The following CELF2 variants were observed in gnomAD, a reference collection of about 807,000 sequenced individuals.
The protein encoded by CELF2 is CUGBP Elav-like family member 2.
Under a neutral mutation model 62.6 loss-of-function variants are expected in CELF2, and 8 were observed. The ratio of observed to expected loss-of-function variants is 0.13; its 90% CI spans 0.07 to 0.23. The LOEUF (loss-of-function observed/expected upper bound fraction) is 0.23. CELF2 is among the 10% of genes least tolerant of loss of function. The probability of loss-of-function intolerance (pLI) is 1.00; values close to 1 mark genes in which losing one functional copy is unlikely to be tolerated. For synonymous variants in CELF2, 258 were observed against 250.0 expected, an observed-to-expected ratio of 1.03 and a Z score of -0.30; for missense variants, 333 against 671.0, an observed-to-expected ratio of 0.50 and a Z score of 5.56.
intron 1 of CELF2, among the ~76,000 whole-genome samples, chr10:11,118,160 T>G (rs1401104036): frequency 6.6e-6 from 1 of 152,074 alleles, no homozygotes; most frequent in Non-Finnish European, 1.5e-5. Flanking sequence ...GAAGGTAATA[T>G]ATTTTAGTAG....
chr10:11,138,559 T>A (rs1468882964), intron 1 of CELF2, among the ~76,000 whole-genome samples: 1 of 152,212 alleles, frequency 6.6e-6, no homozygotes, highest in Non-Finnish European at 1.5e-5. Context: ...TGCTGGGTGC[T>A]ATGGTGCAAA....
At chr10:10,890,882 G>A (rs1218845072) in intron 1 of CELF2, among the ~76,000 whole-genome samples, 1 of 152,194 alleles carries the variant, frequency 6.6e-6, no homozygotes, top group African/African-American at 2.4e-5. Flanking sequence ...GGGCGTGGTG[G>A]CAGGTGCCTA....
In CELF2 at chr10:11,039,967, ATTATCT is replaced by A. The variant is rs1481572244; in HGVS notation, c.74+21809_74+21814del. On this transcript the variant is annotated intron_variant, in intron 1 of 12. Coordinates refer to ENST00000633077, the MANE Select transcript of CELF2 (RefSeq NM_001326342.2). This position sits in a 1 kb window ranked among gnomAD's most constrained non-coding sequence, Gnocchi z 4.1. ...CAAGGACTGAGAGCAAAATGTATTG[ATTATCT>A]TTATGTGGACCATGACAAATTGATT... Among the ~76,000 whole-genome samples the A allele has an allele frequency of 2.0e-5, 3 of 152,186 alleles. No homozygotes were observed. Among genetic ancestry groups the A allele is most frequent in the African/African-American group, 4.8e-5 (2 of 41,436 alleles).
Position 11,325,816 on chromosome 10 carries a change from A to AC in CELF2, c.1295-19dup. The AC allele has an allele frequency of 6.4e-7, 1 of 1,569,056 alleles. No homozygotes were observed. Among genetic ancestry groups the AC allele is most frequent in the Non-Finnish European group, 8.6e-7 (1 of 1,162,798 alleles). ...AAGACTCAAGGGATACCTTACTCTG[A>AC]CTTTTTTTTTCCTCCTTAGGTCCAG... On this transcript the variant is annotated intron_variant, in intron 11 of 12. Coordinates refer to ENST00000633077, the MANE Select transcript of CELF2 (RefSeq NM_001326342.2).
the CELF2 span, among the ~76,000 whole-genome samples, chr10:10,775,668 C>T: frequency 2.0e-5 from 3 of 151,674 alleles, no homozygotes; most frequent in Non-Finnish European, 4.4e-5. Context: ...GACCAGGAGG[C>T]AGAGCATCAG....
At chr10:11,274,735 C>A (rs77218674) in intron 7 of CELF2, among the ~76,000 whole-genome samples, 14 of 152,282 alleles carry the variant, frequency 9.2e-5, no homozygotes, top group East Asian at 5.8e-4. Flanking sequence ...AGATGAGTTA[C>A]GGTAACTGCT....
At chr10:11,289,193 T>A (rs2092063900) in intron 9 of CELF2, among the ~76,000 whole-genome samples, 1 of 152,198 alleles carries the variant, frequency 6.6e-6, no homozygotes. Flanking sequence ...TTTTTTTTAA[T>A]TTAAAAAAGT....
chr10:11,030,557 C>T (rs985084217), intron 1 of CELF2: 2 of 151,996 alleles, frequency 1.3e-5, no homozygotes, highest in African/African-American at 4.8e-5. Context: ...TGTTTCTTGT[C>T]TCCAAAGCCC....
the CELF2 span, among the ~76,000 whole-genome samples, chr10:10,679,815 A>G: frequency 6.6e-6 from 1 of 152,208 alleles, no homozygotes; most frequent in African/African-American, 2.4e-5. Context: ...TACACGATAA[A>G]TACATGAATG....
chr10:10,724,404 C>T, the CELF2 span, among the ~76,000 whole-genome samples: 1 of 152,006 alleles, frequency 6.6e-6, no homozygotes, highest in Non-Finnish European at 1.5e-5. Flanking sequence ...GCCTGTAATC[C>T]CACCATTTTC....
chr10:10,702,551 T>C, the CELF2 span, among the ~76,000 whole-genome samples: 1 of 152,190 alleles, frequency 6.6e-6, no homozygotes, highest in East Asian at 1.9e-4. Flanking sequence ...CTAAAAACTT[T>C]TGCAGACCCA....
chr10:10,924,510 G>C (rs951463852), intron 2 of CELF2, among the ~76,000 whole-genome samples: 1 of 152,048 alleles, frequency 6.6e-6, no homozygotes, highest in African/African-American at 2.4e-5. Flanking sequence ...AGATTCATAT[G>C]TTGATTCTTA....
At chr10:11,277,370 A>AG (rs1336699349) in intron 8 of CELF2, among the ~76,000 whole-genome samples, 2 of 152,130 alleles carry the variant, frequency 1.3e-5, no homozygotes, top group African/African-American at 2.4e-5. Context: ...CGAATGTGAG[A>AG]GGGGCGCCTC....
chr10:10,732,644 C>T, the CELF2 span, among the ~76,000 whole-genome samples: 2 of 151,874 alleles, frequency 1.3e-5, no homozygotes, highest in African/African-American at 2.4e-5. Context: ...CTGCCTCAGC[C>T]TCCCAAGTAG....
At chr10:10,664,776 A>G in the CELF2 span, among the ~76,000 whole-genome samples, 95 of 152,334 alleles carry the variant, frequency 6.2e-4, no homozygotes, top group African/African-American at 2.0e-3. Context: ...AGGGGAATCT[A>G]TCTTCGTGGG....
intron 7 of CELF2, among the ~76,000 whole-genome samples, chr10:11,271,670 C>T (rs1408644407): frequency 1.3e-5 from 2 of 152,038 alleles, no homozygotes; most frequent in African/African-American, 2.4e-5. Context: ...AATATAATTT[C>T]ATATTGTGAG....
At chr10:10,619,643 G>C in the CELF2 span, among the ~76,000 whole-genome samples, 3 of 152,202 alleles carry the variant, frequency 2.0e-5, no homozygotes, top group Non-Finnish European at 2.9e-5. Flanking sequence ...TAGCATTTAT[G>C]ACCACTGAGT....
chr10:11,073,666 C>G (rs936398076), intron 1 of CELF2, among the ~76,000 whole-genome samples: 5 of 152,168 alleles, frequency 3.3e-5, no homozygotes, highest in African/African-American at 1.2e-4. Flanking sequence ...TTAACGGTGA[C>G]CATGGCATCA....
chr10:10,464,755 A>G, the CELF2 span, among the ~76,000 whole-genome samples: 1 of 152,192 alleles, frequency 6.6e-6, no homozygotes, highest in Non-Finnish European at 1.5e-5. Flanking sequence ...TCAGTCCATA[A>G]CACTATAGAT....
Sources: gnomAD v4.1 joint callset for allele counts (sites outside exome capture counted in the v4.1 genomes callset) on GRCh38, gnomAD v4.1.1 for gene constraint, Gnocchi (gnomAD v3.1) non-coding constraint, MANE v1.5 for transcripts, NCBI Gene and HGNC (gene_info 2026-07-23, HGNC 2026-07-21) for gene names.